Variants in TMCC1 observed in about 807,000 individuals in gnomAD.
TMCC1 encodes the protein transmembrane and coiled-coil domains protein 1.
Under a neutral mutation model 52.4 loss-of-function variants are expected in TMCC1, and 15 were observed. The observed-to-expected ratio is 0.29, with a 90% CI of 0.19 to 0.44. The LOEUF (loss-of-function observed/expected upper bound fraction) is 0.44. Among genes scored for constraint, TMCC1 ranks in the 20% least tolerant of loss-of-function variants. TMCC1 has a pLI of 1.00. For synonymous variants in TMCC1, 279 were observed against 301.9 expected, an observed-to-expected ratio of 0.92 and a Z score of 0.79; for missense variants, 503 against 806.0, an observed-to-expected ratio of 0.62 and a Z score of 4.55.
intron 2 of TMCC1, among the ~76,000 whole-genome samples, chr3:129,853,664 T>C (rs1249015486): frequency 6.7e-6 from 1 of 149,656 alleles, no homozygotes; most frequent in African/African-American, 2.5e-5. Context: ...AATAAAATAA[T>C]ATCAAACTAA....
chr3:129,808,627 T>C (rs2057606087), intron 4 of TMCC1, among the ~76,000 whole-genome samples: 2 of 151,222 alleles, frequency 1.3e-5, no homozygotes, highest in East Asian at 1.9e-4. Context: ...AAAAGGTGTA[T>C]AAAAAGGGAA....
chr3:129,818,474 TTAAAGAAA>T, intron 4 of TMCC1, among the ~76,000 whole-genome samples: 2 of 113,620 alleles, frequency 1.8e-5, no homozygotes, highest in African/African-American at 7.5e-5. Flanking sequence ...AAGAAAAGTT[TTAAAGAAA>T]CTTTTAAAGA....
chr3:129,736,461 G>A (rs1196019418), intron 4 of TMCC1, among the ~76,000 whole-genome samples: 2 of 151,638 alleles, frequency 1.3e-5, no homozygotes, highest in African/African-American at 4.8e-5. Flanking sequence ...TAATAATTGT[G>A]ATGAAACTTC....
chr3:129,853,121 T>C (rs1432782970), intron 2 of TMCC1, among the ~76,000 whole-genome samples: 1 of 152,010 alleles, frequency 6.6e-6, no homozygotes, highest in Non-Finnish European at 1.5e-5. Context: ...AACTGGGGTA[T>C]AGTGAGCTAT....
chr3:129,821,212 G>A (rs2058402349), intron 4 of TMCC1, among the ~76,000 whole-genome samples: 1 of 152,194 alleles, frequency 6.6e-6, no homozygotes, highest in Non-Finnish European at 1.5e-5. Context: ...CATCTGTGCT[G>A]TAGATGTGTA....
chr3:129,657,803 G>A (rs2086762798), intron 5 of TMCC1, among the ~76,000 whole-genome samples: 1 of 152,192 alleles, frequency 6.6e-6, no homozygotes. Context: ...ATATACTGCT[G>A]TTGGGAATGG....
intron 4 of TMCC1, among the ~76,000 whole-genome samples, chr3:129,678,424 A>C (rs1184185008): frequency 2.3e-5 from 3 of 130,112 alleles, no homozygotes; most frequent in Non-Finnish European, 4.7e-5. Flanking sequence ...GCAGTGGCAT[A>C]ATCTCGGCTC....
intron 4 of TMCC1, among the ~76,000 whole-genome samples, chr3:129,764,024 C>G (rs2053876119): frequency 1.3e-5 from 2 of 151,842 alleles, no homozygotes; most frequent in South Asian, 4.2e-4. Context: ...AAACTTAAGA[C>G]TATAGATATT....
intron 4 of TMCC1, among the ~76,000 whole-genome samples, chr3:129,796,181 T>C (rs2056808347): frequency 6.6e-6 from 1 of 152,194 alleles, no homozygotes; most frequent in African/African-American, 2.4e-5. Context: ...CACTAATACA[T>C]ACCACTGTAT....
chr3:129,721,019 T>C (rs2049538278), intron 4 of TMCC1, among the ~76,000 whole-genome samples: 1 of 152,136 alleles, frequency 6.6e-6, no homozygotes, highest in African/African-American at 2.4e-5. Flanking sequence ...AGGTGGGGTG[T>C]TACACAGCAA....
intron 4 of TMCC1, among the ~76,000 whole-genome samples, chr3:129,675,132 C>G (rs2088302341): frequency 6.6e-6 from 1 of 152,156 alleles, no homozygotes; most frequent in African/African-American, 2.4e-5. Flanking sequence ...CTGTGCCCGG[C>G]CATAAAATTA....
chr3:129,828,104 A>C lies in TMCC1; in HGVS notation c.275T>G (p.Ile92Ser). 1.9e-6 allele frequency: 3 copies of C among 1,614,098 alleles called. No individual in the cohort carries two copies. Among genetic ancestry groups the C allele is most frequent in the Non-Finnish European group, 2.5e-6 (3 of 1,180,002 alleles). ...TGTGGGGTGGGTGGGGACACCATCAATCTCAGCACATGCGTTCTGGCTTTC... is the reference window on the plus strand; with the variant it reads ...TGTGGGGTGGGTGGGGACACCATCACTCTCAGCACATGCGTTCTGGCTTTC... ...DLESQNACAE[I>S]DGVPTHPTAL... Residue 92 changes from isoleucine (I) to serine (S), a missense_variant, in exon 4 of 7, where the codon ATT (isoleucine) becomes AGT (serine). Physicochemically the swap from Ile to Ser is moderately radical, Grantham distance 142. Coordinates refer to ENST00000393238, the MANE Select transcript of TMCC1 (RefSeq NM_001017395.5). This position sits in a 1 kb window ranked among gnomAD's most constrained non-coding sequence, Gnocchi z 4.1.
rs1442411634 is a variant in TMCC1 at position 129,650,881 on chromosome 3, C to T, written c.*600G>A. 2 of 154,030 alleles carry T rather than the reference C, an allele frequency of 1.3e-5. No individual in the cohort carries two copies. Among genetic ancestry groups the T allele is most frequent in the South Asian group, 2.0e-4 (1 of 4,898 alleles). The allele number at this position is 154,030 out of a possible 1,614,324, so 9.5% of individuals were successfully genotyped here. A position where few individuals can be genotyped will look rare whatever the true frequency, so the allele number is the denominator to read the frequency against. ...GATGATGCTTTCACTTTTGTATCCTCGTCAAGGTTAAGGGGCAGGTTCAAA... is the reference window on the plus strand; with the variant it reads ...GATGATGCTTTCACTTTTGTATCCTTGTCAAGGTTAAGGGGCAGGTTCAAA... On this transcript the variant is annotated 3_prime_UTR_variant, in exon 7 of 7. Coordinates refer to ENST00000393238, the MANE Select transcript of TMCC1 (RefSeq NM_001017395.5).
chr3:129,798,183 A>G (rs975578150), intron 4 of TMCC1, among the ~76,000 whole-genome samples: 2 of 152,020 alleles, frequency 1.3e-5, no homozygotes, highest in East Asian at 3.9e-4. Flanking sequence ...TTTAGTAGAC[A>G]TGGGGTTTCA....
chr3:129,760,454 C>CTGTGTGTGTGTGTGTGTG (rs61394124), intron 4 of TMCC1, among the ~76,000 whole-genome samples: 34 of 129,050 alleles, frequency 2.6e-4, no homozygotes, highest in Admixed American at 1.0e-3. Context: ...CAGTCTCGCT[C>CTGTGTGTGTGTGTGTGTG]TGTGTGTGTG....
chr3:129,797,986 C>CTTTTTTTTTTTTTTTTTTTTTTTT (rs11417298), intron 4 of TMCC1, among the ~76,000 whole-genome samples: 1 of 136,662 alleles, frequency 7.3e-6, no homozygotes. Context: ...AGTTGTGTGC[C>CTTTTTTTTTTTTTTTTTTTTTTTT]TTTTTTTTTT....
chr3:129,698,707 A>C (rs1458436845), intron 4 of TMCC1, among the ~76,000 whole-genome samples: 1 of 152,208 alleles, frequency 6.6e-6, no homozygotes, highest in Non-Finnish European at 1.5e-5. Flanking sequence ...AGCAAGCTAA[A>C]GCCCTCTGCC....
chr3:129,841,343 T>C (rs1395942683), intron 2 of TMCC1, among the ~76,000 whole-genome samples: 8 of 152,182 alleles, frequency 5.3e-5, no homozygotes, highest in Non-Finnish European at 1.2e-4. Context: ...TCCCGGCACT[T>C]TGGGAGGCCA....
chr3:129,751,884 A>T (rs1225548609), intron 4 of TMCC1, among the ~76,000 whole-genome samples: 1 of 152,074 alleles, frequency 6.6e-6, no homozygotes, highest in Non-Finnish European at 1.5e-5. Flanking sequence ...TCTATCTTCA[A>T]CATTCATACT....
Sources: allele counts gnomAD v4.1 joint callset (sites outside exome capture counted in the v4.1 genomes callset), GRCh38; gene constraint gnomAD v4.1.1; non-coding constraint Gnocchi (gnomAD v3.1); transcripts MANE v1.5; gene names NCBI Gene and HGNC (gene_info 2026-07-23, HGNC 2026-07-21).